Variants in HSDL2 observed in about 807,000 individuals in gnomAD.
HSDL2 encodes hydroxysteroid dehydrogenase-like protein 2.
Under a neutral mutation model 46.3 loss-of-function variants are expected in HSDL2, and 27 were observed. The observed-to-expected ratio is 0.58, with a 90% confidence interval of 0.43 to 0.80. HSDL2 has a LOEUF of 0.80. HSDL2 is among the 30% of genes least tolerant of loss of function. HSDL2 has a pLI of 0.00. For synonymous variants in HSDL2, 153 were observed against 163.6 expected (o/e 0.94, Z 0.50); for missense variants, 451 against 502.7 (o/e 0.90, Z 0.98).
intron 8 of HSDL2, among the ~76,000 whole-genome samples, chr9:112,447,182 T>C (rs1037497331): frequency 6.6e-6 from 1 of 152,222 alleles, no homozygotes; most frequent in Non-Finnish European, 1.5e-5. Context: ...CTACCAGCCA[T>C]ATGTCATCTT....
chr9:112,395,032 T>A (rs936774030), intron 1 of HSDL2, among the ~76,000 whole-genome samples: 1 of 152,198 alleles, frequency 6.6e-6, no homozygotes, highest in African/African-American at 2.4e-5. Context: ...AGGAGAATTA[T>A]TAAATAAAAC....
At chr9:112,400,098 C>T (rs1289978347) in intron 1 of HSDL2, among the ~76,000 whole-genome samples, 1 of 152,182 alleles carries the variant, frequency 6.6e-6, no homozygotes, top group Non-Finnish European at 1.5e-5. Flanking sequence ...TCCCTGACTT[C>T]CCGCAACAAG....
intron 10 of HSDL2, among the ~76,000 whole-genome samples, chr9:112,469,028 G>A (rs917417453): frequency 1.3e-5 from 2 of 152,036 alleles, no homozygotes; most frequent in East Asian, 3.9e-4. Flanking sequence ...AGATCTTTCA[G>A]TATCCTCCAT....
intron 4 of HSDL2, among the ~76,000 whole-genome samples, chr9:112,412,030 T>C (rs1384895466): frequency 2.0e-5 from 3 of 152,176 alleles, no homozygotes; most frequent in Non-Finnish European, 4.4e-5. Flanking sequence ...CATATACAGG[T>C]TGAGTATCCC....
intron 6 of HSDL2, among the ~76,000 whole-genome samples, chr9:112,437,610 G>C (rs940276803): frequency 6.6e-6 from 1 of 152,072 alleles, no homozygotes; most frequent in Non-Finnish European, 1.5e-5. Context: ...TTAAAGAGGC[G>C]AAACAAGCTC....
rs55658324 is a variant in HSDL2, at chr9:112,420,059, C to T, written c.598+1101C>T. ...TTTTTATCTTAAGTGTAAATGGTGCCGGGTGTGGTTACAGATGGCTCATGC... is the reference window on the plus strand; with the variant it reads ...TTTTTATCTTAAGTGTAAATGGTGCTGGGTGTGGTTACAGATGGCTCATGC... On this transcript the variant is annotated intron_variant, in intron 6 of 10. Coordinates refer to ENST00000398805, the MANE Select transcript of HSDL2 (RefSeq NM_032303.5). Among the ~76,000 whole-genome samples the T allele has an allele frequency of 4.9e-3, 749 of 152,138 alleles. 6 individuals carry two copies. Among genetic ancestry groups the T allele is most frequent in the African/African-American group, 0.017 (719 of 41,522 alleles).
intron 6 of HSDL2, among the ~76,000 whole-genome samples, chr9:112,422,362 CTG>C (rs1832144689): frequency 6.6e-6 from 1 of 151,982 alleles, no homozygotes; most frequent in Non-Finnish European, 1.5e-5. Context: ...TGAAATCAAA[CTG>C]TTAAAGAAAA....
chr9:112,386,810 C>T (rs999303545), intron 1 of HSDL2, among the ~76,000 whole-genome samples: 8 of 152,140 alleles, frequency 5.3e-5, no homozygotes, highest in South Asian at 4.1e-4. Context: ...GATTTCTACA[C>T]GAGCAAAAAT....
At chr9:112,455,250 T>G (rs113023481) in intron 9 of HSDL2, among the ~76,000 whole-genome samples, 25 of 150,860 alleles carry the variant, frequency 1.7e-4, no homozygotes, top group Non-Finnish European at 3.4e-4. Context: ...CTCAAACAAA[T>G]AAAAGTTAAG....
chr9:112,383,279 G>A (rs1831140163), intron 1 of HSDL2, among the ~76,000 whole-genome samples: 1 of 151,982 alleles, frequency 6.6e-6, no homozygotes, highest in Admixed American at 6.6e-5. Flanking sequence ...CACCATGTTG[G>A]CCAGGCTGGT....
At position 112,438,572 on chromosome 9, in the gene HSDL2, ATATCT is replaced by A. The variant is rs769996437; in HGVS notation, c.743_747del (p.Ile248LysfsTer9). ...ACTGGCAACTTTGTCATTGATGAAA[ATATCT>A]TAAAAGAAGAAGGAATAGAAAATTT... is the stretch of plus-strand genomic sequence containing the variant. On this transcript the variant is annotated frameshift_variant, in exon 7 of 11. Transcript: ENST00000398805. LOFTEE classifies it high-confidence loss of function. 1 of 1,610,926 alleles carries A rather than the reference ATATCT, an allele frequency of 6.2e-7. No individual in the cohort carries two copies. The highest frequency in any genetic ancestry group is 8.5e-7 in the Non-Finnish European group (1 of 1,178,240).
Position 112,438,616 on chromosome 9 carries a change from A to G in HSDL2, c.784A>G (p.Ile262Val), listed in dbSNP as rs1251197326. 3.8e-6 allele frequency: 6 copies of G among 1,560,114 alleles called. No individual in the cohort carries two copies. In the Admixed American group the frequency reaches 8.8e-5, roughly 23 times the overall value. Residue 262 changes from isoleucine to valine, a missense_variant, in exon 7 of 11, where the codon ATT becomes GTT. By Grantham distance (29) the Ile-to-Val change is conservative. Transcript: ENST00000398805. ...EGIENFDVYA[I>V]KPGHPLQPDF... ...AATAGAAAATTTTGACGTTTATGCA[A>G]TTAAACCAGGTAATGCTTTTATAGT...
chr9:112,466,559 A>C (rs1226239569), intron 10 of HSDL2, among the ~76,000 whole-genome samples: 1 of 68,938 alleles, frequency 1.5e-5, no homozygotes, highest in Non-Finnish European at 2.8e-5. Flanking sequence ...AAAAAAAAAA[A>C]AAAATCTTCA....
At chr9:112,460,012 C>T (rs1017579649) in intron 10 of HSDL2, among the ~76,000 whole-genome samples, 1 of 152,178 alleles carries the variant, frequency 6.6e-6, no homozygotes, top group Non-Finnish European at 1.5e-5. Context: ...TTGGCCATGG[C>T]CTAGTGACCC....
intron 8 of HSDL2, among the ~76,000 whole-genome samples, 191 bp downstream of exon 8, chr9:112,441,961 C>A (rs1197422436): frequency 2.0e-5 from 3 of 151,788 alleles, no homozygotes; most frequent in Non-Finnish European, 4.4e-5. Context: ...GTTCATCTAC[C>A]AGTAAGAAGT....
chr9:112,466,053 T>C (rs1833368406), intron 10 of HSDL2, among the ~76,000 whole-genome samples: 1 of 152,216 alleles, frequency 6.6e-6, no homozygotes, highest in African/African-American at 2.4e-5. Context: ...TACCAACACT[T>C]CTTTTTTGTT....
intron 3 of HSDL2, among the ~76,000 whole-genome samples, chr9:112,406,904 T>A (rs1831743600): frequency 6.6e-6 from 1 of 152,184 alleles, no homozygotes; most frequent in South Asian, 2.1e-4. Context: ...CATGGTATTA[T>A]AGTAGGGCAC....
chr9:112,419,787 T>C (rs1832078923), intron 6 of HSDL2, among the ~76,000 whole-genome samples: 1 of 152,206 alleles, frequency 6.6e-6, no homozygotes, highest in Admixed American at 6.5e-5. Flanking sequence ...TGTGTATGCC[T>C]GGGCTTGGTG....
chr9:112,426,776 T>C (rs1201989745), intron 6 of HSDL2, among the ~76,000 whole-genome samples: 2 of 152,236 alleles, frequency 1.3e-5, no homozygotes, highest in Non-Finnish European at 2.9e-5. Context: ...TGAGCTGCAG[T>C]AGCTGTCTGT....
Sources: allele counts gnomAD v4.1 joint callset (sites outside exome capture counted in the v4.1 genomes callset), GRCh38; gene constraint gnomAD v4.1.1; transcripts MANE v1.5; gene names NCBI Gene and HGNC (gene_info 2026-07-23, HGNC 2026-07-21).